Variants in GPC6 observed in about 807,000 individuals in gnomAD.
GPC6 encodes glypican-6.
GPC6 carries 14 observed loss-of-function variants against 55.2 expected under a neutral mutation model. The ratio of observed to expected loss-of-function variants is 0.25; its 90% CI spans 0.17 to 0.40. The LOEUF (loss-of-function observed/expected upper bound fraction) is 0.40, where lower values mean the gene tolerates loss of function less well. GPC6 is among the 10% of genes least tolerant of loss of function. The pLI is 1.00. For synonymous variants in GPC6, 278 were observed against 259.6 expected, an observed-to-expected ratio of 1.07 and a Z score of -0.68; for missense variants, 641 against 708.5, an observed-to-expected ratio of 0.90 and a Z score of 1.08.
chr13:93,418,454 T>C (rs1015405143), intron 1 of GPC6, among the ~76,000 whole-genome samples: 1 of 151,548 alleles, frequency 6.6e-6, no homozygotes, highest in South Asian at 2.1e-4. Context: ...AATAGCACTA[T>C]ACTGTAGTAT....
rs1396629738 is a variant in GPC6 at position 94,404,313 on chromosome 13, T to A, written c.*1096T>A. ...AAAAAAAAAGTCAAGACAAAAAATATATATATATAGTATTGACATGGAGAT... is the reference window on the plus strand; with the variant it reads ...AAAAAAAAAGTCAAGACAAAAAATAAATATATATAGTATTGACATGGAGAT... On this transcript the variant is annotated 3_prime_UTR_variant, in exon 9 of 9. Transcript: ENST00000377047. The A allele has an allele frequency of 6.6e-6, 1 of 152,088 alleles. No homozygotes were observed. The highest frequency in any genetic ancestry group is 6.5e-5 in the Admixed American group (1 of 15,268). The allele number at this position is 152,088 out of a possible 1,614,324, so 9.4% of individuals were successfully genotyped here.
At chr13:93,371,803 C>T (rs1006714013) in intron 1 of GPC6, among the ~76,000 whole-genome samples, 12 of 151,806 alleles carry the variant, frequency 7.9e-5, no homozygotes, top group South Asian at 6.2e-4. Flanking sequence ...AGCTAATGGG[C>T]GCATCTCTGT....
rs199810123 is a variant in GPC6 at position 93,965,102 on chromosome 13, G to GTTT, written c.712-62626_712-62624dup. ...AGTAAGTATTTGGGAAACACTATGA[G>GTTT]TTTGTTTTTTTTTTTTTTTTTTTTT... On this transcript the variant is annotated intron_variant, in intron 3 of 8. Transcript: ENST00000377047. Among the ~76,000 whole-genome samples the GTTT allele has an allele frequency of 1.2e-3, 140 of 113,332 alleles. 7 individuals carry two copies. The highest frequency in any genetic ancestry group is 4.5e-3 in the African/African-American group (132 of 29,110). 74.4% of individuals were successfully genotyped at this position (113,332 alleles called of 152,430 possible).
intron 3 of GPC6, among the ~76,000 whole-genome samples, chr13:93,876,668 T>A (rs1026322177): frequency 9.9e-5 from 15 of 152,118 alleles, no homozygotes; most frequent in Non-Finnish European, 1.6e-4. Context: ...CTCACTTTAG[T>A]CCAACCCATT....
Position 93,318,311 on chromosome 13 carries a change from A to G in GPC6, c.160+90695A>G, listed in dbSNP as rs557837925. 2.2e-4 allele frequency among the ~76,000 whole-genome samples: 34 copies of G among 151,764 alleles called. No homozygotes were observed. The South Asian group carries it at 6.9e-3, about 31-fold the overall frequency. On this transcript the variant is annotated intron_variant, in intron 1 of 8. Transcript: ENST00000377047. ...TTTTGTTGTTTGATACTAATGGACC[A>G]AGAAGAAAAAAAAAGCAAATTTTTA...
chr13:94,325,891 T>G (rs1877089997), intron 6 of GPC6, among the ~76,000 whole-genome samples: 1 of 152,158 alleles, frequency 6.6e-6, no homozygotes, highest in Non-Finnish European at 1.5e-5. Context: ...GCCTGATCCT[T>G]AGAAGCTCTG....
intron 1 of GPC6, among the ~76,000 whole-genome samples, chr13:93,494,655 C>G (rs1464870491): frequency 1.3e-5 from 2 of 152,202 alleles, no homozygotes; most frequent in African/African-American, 4.8e-5. Flanking sequence ...TTTGCAGCGG[C>G]TGGTACCGGT....
chr13:93,456,370 T>C (rs1272194404), intron 1 of GPC6, among the ~76,000 whole-genome samples: 1 of 152,108 alleles, frequency 6.6e-6, no homozygotes. Context: ...AAATCAGGTA[T>C]AAAATTATCC....
intron 3 of GPC6, among the ~76,000 whole-genome samples, chr13:93,931,756 T>A (rs1452536407): frequency 8.1e-6 from 1 of 123,732 alleles, no homozygotes; most frequent in Non-Finnish European, 1.6e-5. Context: ...AGAGCAAGAC[T>A]CTGTCTCAGA....
At chr13:93,778,921 A>T (rs1427350377) in intron 2 of GPC6, among the ~76,000 whole-genome samples, 4 of 152,214 alleles carry the variant, frequency 2.6e-5, no homozygotes, top group African/African-American at 9.6e-5. Flanking sequence ...AGAGAACTGT[A>T]GCCAATCCAA....
At chr13:93,220,892 ATT>A in the GPC6 span, among the ~76,000 whole-genome samples, 5 of 152,078 alleles carry the variant, frequency 3.3e-5, no homozygotes, top group South Asian at 1.0e-3. Context: ...ATTTTATTTA[ATT>A]TTAGTTTTTG....
At chr13:94,079,310 A>G (rs1885027080) in intron 4 of GPC6, among the ~76,000 whole-genome samples, 1 of 152,124 alleles carries the variant, frequency 6.6e-6, no homozygotes, top group Admixed American at 6.5e-5. Context: ...ATTAGATAGA[A>G]CTGCCAATTA....
intron 1 of GPC6, among the ~76,000 whole-genome samples, chr13:93,493,989 T>C (rs1594211375): frequency 1.6e-5 from 2 of 126,748 alleles, no homozygotes; most frequent in South Asian, 5.3e-4. Flanking sequence ...CTGAAAAAAA[T>C]GTATATTCTG....
In GPC6 at chr13:94,034,718, G is replaced by A. The variant is rs189535982; in HGVS notation, c.877+6824G>A. Among the ~76,000 whole-genome samples the A allele has an allele frequency of 5.3e-5, 8 of 151,932 alleles. No individual in the cohort carries two copies. The East Asian group carries it at 1.2e-3, about 22-fold the overall frequency. On this transcript the variant is annotated intron_variant, in intron 4 of 8. Coordinates refer to ENST00000377047, the MANE Select transcript of GPC6 (RefSeq NM_005708.5). ...CTCAACTTCTATGCAATTAATAATA[G>A]TAATTGTTCCATTTCTTATTTACTG...
chr13:93,968,919 G>A (rs1419315456), intron 3 of GPC6, among the ~76,000 whole-genome samples: 1 of 152,114 alleles, frequency 6.6e-6, no homozygotes, highest in Non-Finnish European at 1.5e-5. Flanking sequence ...AATTTTTGAT[G>A]CTAGATGTTG....
Position 94,088,050 on chromosome 13 carries a change from T to A in GPC6, c.877+60156T>A, listed in dbSNP as rs115464067. On this transcript the variant is annotated intron_variant, in intron 4 of 8. Coordinates refer to ENST00000377047, the MANE Select transcript of GPC6 (RefSeq NM_005708.5). ...GGCAGACCTCTTGCTGAGGCACAGA[T>A]GTTTATAAGTTCCTCTGTGAGTTCT... Among the ~76,000 whole-genome samples, 1,052 of 152,288 alleles carry A rather than the reference T, an allele frequency of 6.9e-3. 12 individuals are homozygous for A. The highest frequency in any genetic ancestry group is 0.023 in the African/African-American group (955 of 41,562).
At chr13:94,007,392 G>A (rs560417950) in intron 3 of GPC6, among the ~76,000 whole-genome samples, 19 of 152,296 alleles carry the variant, frequency 1.2e-4, no homozygotes, top group African/African-American at 4.3e-4. Context: ...CAGTCTGTGC[G>A]GGAGATAGAC....
intron 2 of GPC6, among the ~76,000 whole-genome samples, chr13:93,653,944 G>A (rs980228291): frequency 8.5e-5 from 13 of 152,096 alleles, no homozygotes; most frequent in African/African-American, 2.2e-4. Flanking sequence ...CTAGAGAAGC[G>A]GAAATCTGTT....
intron 3 of GPC6, among the ~76,000 whole-genome samples, chr13:93,847,231 C>T (rs924205568): frequency 1.8e-4 from 27 of 152,118 alleles, no homozygotes; most frequent in Admixed American, 5.9e-4. Context: ...GATTTTCAGT[C>T]GGCTCTGGGG....
Sources: allele counts gnomAD v4.1 joint callset (sites outside exome capture counted in the v4.1 genomes callset), GRCh38; gene constraint gnomAD v4.1.1; transcripts MANE v1.5; gene names NCBI Gene and HGNC (gene_info 2026-07-23, HGNC 2026-07-21).